GALNT18: variants seen among roughly 807,000 people sequenced by gnomAD.
The protein encoded by GALNT18 is polypeptide N-acetylgalactosaminyltransferase 18.
A neutral mutation model predicts 69.5 loss-of-function variants in GALNT18; 44 were observed. That is an observed-to-expected ratio of 0.63 (90% CI 0.50 to 0.81). GALNT18 has a LOEUF of 0.81. Among genes scored for constraint, GALNT18 ranks in the 40% least tolerant of loss-of-function variants. The probability of loss-of-function intolerance (pLI) is 0.00; values close to 1 mark genes in which losing one functional copy is unlikely to be tolerated. For synonymous variants in GALNT18, 364 were observed against 318.2 expected, an observed-to-expected ratio of 1.14 and a Z score of -1.53; for missense variants, 715 against 810.0, an observed-to-expected ratio of 0.88 and a Z score of 1.42.
chr11:11,447,380 G>C (rs1855680542), intron 2 of GALNT18, among the ~76,000 whole-genome samples: 2 of 152,074 alleles, frequency 1.3e-5, no homozygotes, highest in South Asian at 4.1e-4. Flanking sequence ...TTTCTCCATA[G>C]CACTCACCAC....
At chr11:11,575,359 C>G (rs1285570152) in intron 1 of GALNT18, among the ~76,000 whole-genome samples, 1 of 152,210 alleles carries the variant, frequency 6.6e-6, no homozygotes, top group African/African-American at 2.4e-5. Flanking sequence ...ACATCTTTCT[C>G]TTCTCAAACT....
chr11:11,330,346 G>T (rs189051969), intron 8 of GALNT18, among the ~76,000 whole-genome samples: 1 of 152,344 alleles, frequency 6.6e-6, no homozygotes. Flanking sequence ...TTACCAGGAA[G>T]AATGATTCAG....
intron 10 of GALNT18, among the ~76,000 whole-genome samples, chr11:11,272,637 G>A (rs796620708): frequency 6.6e-5 from 10 of 152,264 alleles, no homozygotes; most frequent in African/African-American, 1.2e-4. Flanking sequence ...TGTGCTCTCC[G>A]CTTGGGATTC....
chr11:11,347,596 G>A lies in GALNT18; in HGVS notation c.1093-6592C>T, dbSNP rs1167393868. 6.6e-6 allele frequency among the ~76,000 whole-genome samples: 1 copy of A among 152,156 alleles called. No homozygotes were observed. Among genetic ancestry groups the A allele is most frequent in the Non-Finnish European group, 1.5e-5 (1 of 68,030 alleles). On this transcript the variant is annotated intron_variant, in intron 6 of 10. Coordinates refer to ENST00000227756, the MANE Select transcript of GALNT18 (RefSeq NM_198516.3). This position sits in a 1 kb window ranked among gnomAD's most constrained non-coding sequence, Gnocchi z 4.0. ...CACAAGATCAGATCTCAGATACTGT[G>A]CAGCTTTCATCTTCTTATGACTTTT...
intron 1 of GALNT18, among the ~76,000 whole-genome samples, chr11:11,589,458 C>T (rs1400334783): frequency 1.3e-5 from 2 of 151,660 alleles, no homozygotes; most frequent in Non-Finnish European, 2.9e-5. Context: ...CTAAAAATGA[C>T]TCCAAATATG....
intron 3 of GALNT18, among the ~76,000 whole-genome samples, chr11:11,407,636 A>C (rs1022180069): frequency 1.3e-5 from 2 of 152,238 alleles, no homozygotes; most frequent in African/African-American, 4.8e-5. Flanking sequence ...AGATATTCCC[A>C]GTAACCGTGT....
intron 10 of GALNT18, 42 bp from the exon 11 acceptor site, chr11:11,271,332 C>T (rs1564871935): frequency 1.9e-6 from 3 of 1,590,202 alleles, no homozygotes; most frequent in Non-Finnish European, 2.6e-6. Context: ...GGCATAGAGG[C>T]AACATGCAGA....
chr11:11,407,790 C>T (rs1361641310), intron 3 of GALNT18, among the ~76,000 whole-genome samples: 1 of 152,152 alleles, frequency 6.6e-6, no homozygotes, highest in Non-Finnish European at 1.5e-5. Flanking sequence ...GGAAAAGGGA[C>T]CAGATCCCCT....
Position 11,396,531 on chromosome 11 carries a change from G to A in GALNT18, c.596-17267C>T, listed in dbSNP as rs1241865307. Among the ~76,000 whole-genome samples, 2 of 152,174 alleles carry A rather than the reference G, an allele frequency of 1.3e-5. No individual in the cohort carries two copies. Among genetic ancestry groups the A allele is most frequent in the African/African-American group, 2.4e-5 (1 of 41,420 alleles). ...ACTTCCCTCCTCAGAAGTCTACATA[G>A]CAACACGGACAGCTTGGTAACAAAC... On this transcript the variant is annotated intron_variant, in intron 3 of 10. Transcript: ENST00000227756. The surrounding 1 kb of genome is among the most constrained non-coding windows in gnomAD (Gnocchi z 5.2).
intron 6 of GALNT18, among the ~76,000 whole-genome samples, chr11:11,359,220 C>A (rs1209702245): frequency 2.1e-5 from 3 of 140,398 alleles, no homozygotes; most frequent in Non-Finnish European, 4.8e-5. Context: ...TAACAGTGAG[C>A]TGAGATTACT....
At chr11:11,423,184 GCACA>G (rs141614362) in intron 3 of GALNT18, among the ~76,000 whole-genome samples, 1 of 152,194 alleles carries the variant, frequency 6.6e-6, no homozygotes, top group African/African-American at 2.4e-5. Context: ...GTGCACACAT[GCACA>G]CACACACTTG....
chr11:11,566,910 C>T (rs931019378), intron 1 of GALNT18, among the ~76,000 whole-genome samples: 16 of 152,136 alleles, frequency 1.1e-4, no homozygotes, highest in African/African-American at 7.2e-5. Flanking sequence ...TTCCACCTTC[C>T]GTGATTAGTT....
At chr11:11,417,633 G>T (rs1854896818) in intron 3 of GALNT18, among the ~76,000 whole-genome samples, 2 of 152,152 alleles carry the variant, frequency 1.3e-5, no homozygotes, top group Admixed American at 1.3e-4. Context: ...GGAGGGCTTG[G>T]GCTCATTCTT....
chr11:11,333,713 C>T (rs2133050257), intron 7 of GALNT18, among the ~76,000 whole-genome samples: 1 of 152,198 alleles, frequency 6.6e-6, no homozygotes, highest in Non-Finnish European at 1.5e-5. Context: ...TCCTGAGCCA[C>T]CACGGTGCAG....
At position 11,396,224 on chromosome 11, in the gene GALNT18, A is replaced by G. The variant is rs1854322419; in HGVS notation, c.596-16960T>C. Among the ~76,000 whole-genome samples, 1 of 152,244 alleles carries G rather than the reference A, an allele frequency of 6.6e-6. No homozygotes were observed. The highest frequency in any genetic ancestry group is 1.5e-5 in the Non-Finnish European group (1 of 68,048). On this transcript the variant is annotated intron_variant, in intron 3 of 10. Transcript: ENST00000227756. The surrounding 1 kb of genome is among the most constrained non-coding windows in gnomAD (Gnocchi z 5.2). ...GAATTTGAAAGAGCAAAGAACTGGC[A>G]CGACAGCGGCTGGGTCTGTCAGTGG...
At chr11:11,504,254 C>T (rs1170805568) in intron 1 of GALNT18, among the ~76,000 whole-genome samples, 2 of 152,326 alleles carry the variant, frequency 1.3e-5, no homozygotes, top group East Asian at 3.9e-4. Context: ...GAGCCAACAG[C>T]TGCAGGGCAG....
chr11:11,560,882 A>C (rs1465557279), intron 1 of GALNT18, among the ~76,000 whole-genome samples: 2 of 152,212 alleles, frequency 1.3e-5, no homozygotes, highest in Non-Finnish European at 2.9e-5. Flanking sequence ...GTTTGGCAGA[A>C]TTGCCACAAC....
At chr11:11,467,358 C>T (rs752267490) in intron 1 of GALNT18, among the ~76,000 whole-genome samples, 3 of 152,238 alleles carry the variant, frequency 2.0e-5, no homozygotes, top group African/African-American at 7.2e-5. Context: ...AGCTGCCACC[C>T]CTGCCCCTTC....
chr11:11,552,163 C>T lies in GALNT18; in HGVS notation c.235+69196G>A, dbSNP rs184483074. Reference sequence around the variant, plus strand: ...GAAAAGAAGGAAAAGGAGAAAGCAGCCATAGGCCCTCTGGAAATGCAGGTC... The same window carrying T: ...GAAAAGAAGGAAAAGGAGAAAGCAGTCATAGGCCCTCTGGAAATGCAGGTC... On this transcript the variant is annotated intron_variant, in intron 1 of 10. Transcript: ENST00000227756. 1.9e-3 allele frequency among the ~76,000 whole-genome samples: 279 copies of T among 144,020 alleles called. 3 individuals are homozygous for T. The highest frequency in any genetic ancestry group is 6.7e-3 in the African/African-American group (274 of 40,712). The allele number at this position is 144,020 out of a possible 152,430, so 94.5% of individuals were successfully genotyped here.
Sources: gnomAD v4.1 joint callset for allele counts (sites outside exome capture counted in the v4.1 genomes callset) on GRCh38, gnomAD v4.1.1 for gene constraint, Gnocchi (gnomAD v3.1) non-coding constraint, MANE v1.5 for transcripts, NCBI Gene and HGNC (gene_info 2026-07-23, HGNC 2026-07-21) for gene names.